The following NXPH1 variants were observed in gnomAD, a reference collection of about 807,000 sequenced individuals.
NXPH1 encodes neurexophilin-1.
Under a neutral mutation model 23.7 loss-of-function variants are expected in NXPH1, and 5 were observed. The observed-to-expected ratio is 0.21, with a 90% CI of 0.11 to 0.44. The LOEUF is 0.44. Among genes scored for constraint, NXPH1 ranks in the 20% least tolerant of loss-of-function variants. NXPH1 has a pLI of 0.99. For missense variants in NXPH1, 324 were observed against 321.6 expected (o/e 1.01, Z -0.06); for synonymous variants, 144 against 122.2 (o/e 1.18, Z -1.18).
chr7:8,470,746 C>G (rs1816860078), intron 2 of NXPH1, among the ~76,000 whole-genome samples: 1 of 152,132 alleles, frequency 6.6e-6, no homozygotes, highest in Non-Finnish European at 1.5e-5. Context: ...TTTAAAATGT[C>G]CTGTCAACTT....
At position 8,539,916 on chromosome 7, in the gene NXPH1, T is replaced by C. The variant is rs934567598; in HGVS notation, c.54+104149T>C. Among the ~76,000 whole-genome samples, 3 of 151,870 alleles carry C rather than the reference T, an allele frequency of 2.0e-5. No homozygotes were observed. In the East Asian group the frequency reaches 5.8e-4, roughly 29 times the overall value. ...TTACAAATATTTTCATTAGTGACTT[T>C]TGTTAATTATATTTCTTCTTATGAA... On this transcript the variant is annotated intron_variant, in intron 2 of 2. Coordinates refer to ENST00000405863, the MANE Select transcript of NXPH1 (RefSeq NM_152745.3).
chr7:8,578,288 G>A (rs774242466), intron 2 of NXPH1, among the ~76,000 whole-genome samples: 96 of 152,154 alleles, frequency 6.3e-4, no homozygotes, highest in Non-Finnish European at 1.8e-4. Context: ...AAAATTTGAA[G>A]TACAGTTTCC....
intron 2 of NXPH1, among the ~76,000 whole-genome samples, chr7:8,521,610 C>T (rs1817772867): frequency 6.6e-6 from 1 of 152,158 alleles, no homozygotes; most frequent in South Asian, 2.1e-4. Context: ...CCCTAATAAT[C>T]CCCACTGGAC....
At chr7:8,501,690 C>G (rs1817437786) in intron 2 of NXPH1, among the ~76,000 whole-genome samples, 1 of 151,978 alleles carries the variant, frequency 6.6e-6, no homozygotes, top group African/African-American at 2.4e-5. Flanking sequence ...AGGTTTAGAG[C>G]AAGGAGCAAG....
intron 2 of NXPH1, among the ~76,000 whole-genome samples, chr7:8,465,796 C>T (rs750289946): frequency 3.9e-5 from 6 of 152,194 alleles, no homozygotes; most frequent in Non-Finnish European, 5.9e-5. Flanking sequence ...CTTCATGTCA[C>T]ACAACATGAC....
chr7:8,688,299 T>G (rs746965001), intron 2 of NXPH1, among the ~76,000 whole-genome samples: 2 of 152,164 alleles, frequency 1.3e-5, no homozygotes, highest in East Asian at 1.9e-4. Context: ...GTCATGGAAC[T>G]GATTCATTAT....
chr7:8,546,789 G>T (rs935887195), intron 2 of NXPH1, among the ~76,000 whole-genome samples: 2 of 151,350 alleles, frequency 1.3e-5, no homozygotes, highest in African/African-American at 4.8e-5. Context: ...GCTAATTGGT[G>T]CTTAACGTAT....
intron 2 of NXPH1, among the ~76,000 whole-genome samples, chr7:8,557,862 A>C (rs893028179): frequency 3.3e-5 from 5 of 151,686 alleles, no homozygotes; most frequent in Non-Finnish European, 5.9e-5. Flanking sequence ...ATTTAGTACC[A>C]TGTAAAGGCA....
chr7:8,609,011 C>A (rs1819561186), intron 2 of NXPH1, among the ~76,000 whole-genome samples: 2 of 152,074 alleles, frequency 1.3e-5, no homozygotes, highest in South Asian at 2.1e-4. Flanking sequence ...TATAATGAAA[C>A]AAATTTTATC....
At chr7:8,739,000 C>T (rs938025718) in intron 2 of NXPH1, among the ~76,000 whole-genome samples, 2 of 151,834 alleles carry the variant, frequency 1.3e-5, no homozygotes, top group Admixed American at 1.3e-4. Context: ...CATCCCAGGT[C>T]GACTTCAGAC....
Position 8,566,875 on chromosome 7 carries a change from A to G in NXPH1, c.54+131108A>G, listed in dbSNP as rs138779007. ...TATTTTTTTTCTCTCTCTCTCATCT[A>G]TCTATCTACTGTTAGTTCTGTCCCT... On this transcript the variant is annotated intron_variant, in intron 2 of 2. Transcript: ENST00000405863. 7.2e-3 allele frequency among the ~76,000 whole-genome samples: 1,096 copies of G among 151,602 alleles called. 11 individuals carry two copies. Among genetic ancestry groups the G allele is most frequent in the African/African-American group, 0.023 (970 of 41,332 alleles).
chr7:8,654,786 G>C (rs4725107), intron 2 of NXPH1, among the ~76,000 whole-genome samples: 109,666 of 152,086 alleles, frequency 0.72, 40,098 homozygotes, highest in East Asian at 1. Context: ...TCCATGGCAG[G>C]TTCATTCTAT....
chr7:8,473,762 A>G (rs990511159), intron 2 of NXPH1, among the ~76,000 whole-genome samples: 2 of 151,696 alleles, frequency 1.3e-5, no homozygotes, highest in Admixed American at 1.3e-4. Flanking sequence ...AAGAGAAGGC[A>G]AATTGCCAAA....
intron 2 of NXPH1, among the ~76,000 whole-genome samples, chr7:8,518,741 C>T (rs1817725565): frequency 6.6e-6 from 1 of 152,112 alleles, no homozygotes; most frequent in Non-Finnish European, 1.5e-5. Context: ...CTGCCTCAGC[C>T]TCCCAAGTAG....
At chr7:8,463,559 T>A (rs189868880) in intron 2 of NXPH1, among the ~76,000 whole-genome samples, 2 of 152,294 alleles carry the variant, frequency 1.3e-5, no homozygotes, top group Admixed American at 6.5e-5. Flanking sequence ...AAGTTATGTT[T>A]CCACCAAGAA....
intron 2 of NXPH1, among the ~76,000 whole-genome samples, chr7:8,500,041 A>G (rs918449277): frequency 6.6e-6 from 1 of 152,076 alleles, no homozygotes; most frequent in Non-Finnish European, 1.5e-5. Flanking sequence ...GTGGATTGCA[A>G]TATTTCCAAC....
chr7:8,735,734 C>T (rs750874219), intron 2 of NXPH1, among the ~76,000 whole-genome samples: 1 of 152,068 alleles, frequency 6.6e-6, no homozygotes, highest in African/African-American at 2.4e-5. Context: ...CTTTGTACCT[C>T]GGTAGAATGC....
chr7:8,454,746 T>C (rs930802640), intron 2 of NXPH1, among the ~76,000 whole-genome samples: 26 of 152,222 alleles, frequency 1.7e-4, no homozygotes, highest in African/African-American at 6.3e-4. Context: ...TTTCCAGCAA[T>C]CAGTGCTCAA....
intron 2 of NXPH1, among the ~76,000 whole-genome samples, chr7:8,463,399 T>G (rs1455776124): frequency 6.6e-6 from 1 of 152,114 alleles, no homozygotes; most frequent in Non-Finnish European, 1.5e-5. Flanking sequence ...TTTGAAAATA[T>G]AAACAGTGTT....
Sources: allele counts gnomAD v4.1 joint callset (sites outside exome capture counted in the v4.1 genomes callset), GRCh38; gene constraint gnomAD v4.1.1; transcripts MANE v1.5; gene names NCBI Gene and HGNC (gene_info 2026-07-23, HGNC 2026-07-21).